Variants in TMTC1 observed in about 807,000 individuals in gnomAD.
The protein encoded by TMTC1 is protein O-mannosyl-transferase TMTC1.
In TMTC1, 73 loss-of-function variants were observed where a neutral mutation model predicts 104.8. That is an observed-to-expected ratio of 0.70 (90% confidence interval 0.58 to 0.85). The LOEUF (loss-of-function observed/expected upper bound fraction) is 0.85, where lower values mean the gene tolerates loss of function less well. TMTC1 is among the 40% of genes least tolerant of loss of function. The pLI is 0.00. For missense variants in TMTC1, 1,035 were observed against 1,096.1 expected, an observed-to-expected ratio of 0.94 and a Z score of 0.79; for synonymous variants, 434 against 428.7, an observed-to-expected ratio of 1.01 and a Z score of -0.15.
intron 6 of TMTC1, among the ~76,000 whole-genome samples, chr12:29,611,483 C>T (rs1018170053): frequency 3.3e-5 from 5 of 151,996 alleles, no homozygotes; most frequent in African/African-American, 1.2e-4. Flanking sequence ...CAGTCCAGTG[C>T]AAAAATTTCT....
chr12:29,746,079 C>T (rs1468274007), intron 5 of TMTC1, among the ~76,000 whole-genome samples: 1 of 152,112 alleles, frequency 6.6e-6, no homozygotes, highest in Non-Finnish European at 1.5e-5. Context: ...TCTGCTTCCA[C>T]GAGGTGGTTT....
intron 5 of TMTC1, among the ~76,000 whole-genome samples, chr12:29,651,789 G>A (rs1939531362): frequency 1.3e-5 from 2 of 152,260 alleles, no homozygotes; most frequent in African/African-American, 4.8e-5. Flanking sequence ...GGCCTATATA[G>A]TCTAGGGCTA....
intron 9 of TMTC1, among the ~76,000 whole-genome samples, chr12:29,571,846 T>G (rs1433118978): frequency 2.6e-5 from 4 of 152,208 alleles, no homozygotes; most frequent in Admixed American, 2.6e-4. Flanking sequence ...GAACTGTCAG[T>G]TCATCGTGTA....
intron 10 of TMTC1, among the ~76,000 whole-genome samples, chr12:29,550,394 G>A (rs1184075164): frequency 6.6e-6 from 1 of 152,190 alleles, no homozygotes; most frequent in Non-Finnish European, 1.5e-5. Context: ...GCAGGAAAGA[G>A]GGAGCAGGAG....
chr12:29,613,923 T>C, intron 6 of TMTC1: 1 of 980,332 alleles, frequency 1.0e-6, no homozygotes, highest in Non-Finnish European at 1.2e-6. Context: ...AATGCATGAT[T>C]CATCTATCCA....
chr12:29,570,290 C>A (rs1447764187), intron 9 of TMTC1, among the ~76,000 whole-genome samples: 1 of 152,088 alleles, frequency 6.6e-6, no homozygotes, highest in African/African-American at 2.4e-5. Flanking sequence ...TTGTGGAACA[C>A]CTGGAACACA....
At chr12:29,639,489 T>G (rs1003815679) in intron 5 of TMTC1, among the ~76,000 whole-genome samples, 2 of 152,232 alleles carry the variant, frequency 1.3e-5, no homozygotes, top group Non-Finnish European at 2.9e-5. Context: ...AAATATCATG[T>G]CAAATGTCAG....
rs1943883074 is a variant in TMTC1, at chr12:29,783,443, G to C, written c.302+7C>G. ...CAGCGGCGGCTAGCGCGAGGTGAGG[G>C]ACTCACTTGAAGGTGAGGACGCAGA... On this transcript the variant is annotated splice_region_variant and intron_variant, in intron 1 of 17. Coordinates refer to ENST00000539277, the MANE Select transcript of TMTC1 (RefSeq NM_001193451.2). This position sits in a 1 kb window ranked among gnomAD's most constrained non-coding sequence, Gnocchi z 4.7. The C allele has an allele frequency of 1.5e-6, 2 of 1,304,408 alleles. No homozygotes were observed. The highest frequency in any genetic ancestry group is 9.8e-7 in the Non-Finnish European group (1 of 1,022,826). The allele number at this position is 1,304,408 out of a possible 1,614,324, so 80.8% of individuals were successfully genotyped here.
chr12:29,592,476 A>T (rs1946306359), intron 7 of TMTC1, among the ~76,000 whole-genome samples: 1 of 152,110 alleles, frequency 6.6e-6, no homozygotes, highest in African/African-American at 2.4e-5. Flanking sequence ...CATGAGATAG[A>T]TTTCTTCTGT....
In TMTC1 at chr12:29,685,589, A is replaced by T. The variant is rs1049974383; in HGVS notation, c.939-52253T>A. Among the ~76,000 whole-genome samples the T allele has an allele frequency of 3.9e-5, 6 of 152,130 alleles. No homozygotes were observed. The South Asian group carries it at 1.0e-3, about 26-fold the overall frequency. On this transcript the variant is annotated intron_variant, in intron 5 of 17. Transcript: ENST00000539277. Reference sequence around the variant, plus strand: ...TGACCACTGAATTTAAAAAAAGCAAATTACTCTGTTAAGAGGCATTATTTT... The same window carrying T: ...TGACCACTGAATTTAAAAAAAGCAATTTACTCTGTTAAGAGGCATTATTTT...
intron 5 of TMTC1, among the ~76,000 whole-genome samples, chr12:29,734,421 A>G (rs2136924294): frequency 6.6e-6 from 1 of 152,290 alleles, no homozygotes; most frequent in African/African-American, 2.4e-5. Context: ...CTTCCCGGAT[A>G]CCAGTCCTTC....
chr12:29,644,203 G>A lies in TMTC1; in HGVS notation c.939-10867C>T, dbSNP rs186475550. ...AGCCATAAAAAGGAATGAATTTATG[G>A]CATTTGCAGTGACCTGGATGGGACT... On this transcript the variant is annotated intron_variant, in intron 5 of 17. Transcript: ENST00000539277. 5.0e-3 allele frequency among the ~76,000 whole-genome samples: 712 copies of A among 141,986 alleles called. 7 individuals are homozygous for A. Among genetic ancestry groups the A allele is most frequent in the Middle Eastern group, 0.033 (9 of 272 alleles). 93.1% of individuals were successfully genotyped at this position (141,986 alleles called of 152,430 possible).
At chr12:29,560,191 T>A (rs963817671) in intron 9 of TMTC1, among the ~76,000 whole-genome samples, 2 of 152,198 alleles carry the variant, frequency 1.3e-5, no homozygotes, top group African/African-American at 4.8e-5. Context: ...TTTACAAATG[T>A]CCTGATAGTG....
chr12:29,524,528 T>C lies in TMTC1; in HGVS notation c.1786-3808A>G, dbSNP rs554194544. On this transcript the variant is annotated intron_variant, in intron 11 of 17. Coordinates refer to ENST00000539277, the MANE Select transcript of TMTC1 (RefSeq NM_001193451.2). Reference sequence around the variant, plus strand: ...TGTGTAATCAGTCTTTGTAGTACAATCTGTTATGGAGCCTATTATGAGGGA... The same window carrying C: ...TGTGTAATCAGTCTTTGTAGTACAACCTGTTATGGAGCCTATTATGAGGGA... Among the ~76,000 whole-genome samples the C allele has an allele frequency of 3.3e-5, 5 of 152,270 alleles. No individual in the cohort carries two copies. In the South Asian group the frequency reaches 1.0e-3, roughly 32 times the overall value.
chr12:29,550,702 G>A (rs956960919), intron 10 of TMTC1, among the ~76,000 whole-genome samples: 7 of 152,106 alleles, frequency 4.6e-5, no homozygotes, highest in Non-Finnish European at 2.9e-5. Flanking sequence ...AGGGACAGAA[G>A]CACAGGAACT....
At position 29,517,585 on chromosome 12, in the gene TMTC1, A is replaced by G. The variant is rs770072466; in HGVS notation, c.2025-14T>C. The stretch of plus-strand genomic sequence containing the variant: ...ACCTGCAGGGCGCTGAGTTTGGAGA[A>G]AATCTAAATGACATTTCTCTTCTAA... On this transcript the variant is annotated splice_polypyrimidine_tract_variant and intron_variant, in intron 13 of 17. Coordinates refer to ENST00000539277, the MANE Select transcript of TMTC1 (RefSeq NM_001193451.2). 1 of 1,614,030 alleles carries G rather than the reference A, an allele frequency of 6.2e-7. No homozygotes were observed. The highest frequency in any genetic ancestry group is 2.2e-5 in the East Asian group (1 of 44,886).
At chr12:29,779,111 A>G (rs1943776184) in intron 1 of TMTC1, among the ~76,000 whole-genome samples, 1 of 152,252 alleles carries the variant, frequency 6.6e-6, no homozygotes, top group Non-Finnish European at 1.5e-5. Flanking sequence ...AGTAGCTGAA[A>G]GACGAGATCT....
intron 7 of TMTC1, among the ~76,000 whole-genome samples, chr12:29,585,042 T>C (rs542484330): frequency 6.7e-6 from 1 of 149,778 alleles, no homozygotes; most frequent in African/African-American, 2.5e-5. Context: ...TTGAACTAGT[T>C]TACAGTCCCA....
chr12:29,723,529 T>C (rs1436841478), intron 5 of TMTC1, among the ~76,000 whole-genome samples: 1 of 151,912 alleles, frequency 6.6e-6, no homozygotes, highest in Non-Finnish European at 1.5e-5. Flanking sequence ...GAGACCAGCC[T>C]GGGCAACATA....
Sources: allele counts gnomAD v4.1 joint callset (sites outside exome capture counted in the v4.1 genomes callset), GRCh38; gene constraint gnomAD v4.1.1; non-coding constraint Gnocchi (gnomAD v3.1); transcripts MANE v1.5; gene names NCBI Gene and HGNC (gene_info 2026-07-23, HGNC 2026-07-21).